Variants in FSTL4 observed in about 807,000 individuals in gnomAD.
The protein encoded by FSTL4 is follistatin like 4.
In FSTL4, 28 loss-of-function variants were observed where a neutral mutation model predicts 78.2. That is an observed-to-expected ratio of 0.36 (90% CI 0.27 to 0.49). The LOEUF (loss-of-function observed/expected upper bound fraction) is 0.49, where lower values mean the gene tolerates loss of function less well. Among genes scored for constraint, FSTL4 ranks in the 20% least tolerant of loss-of-function variants. FSTL4 has a pLI of 0.98. For synonymous variants in FSTL4, 422 were observed against 440.5 expected, an observed-to-expected ratio of 0.96 and a Z score of 0.53; for missense variants, 922 against 1,084.9, an observed-to-expected ratio of 0.85 and a Z score of 2.11.
chr5:133,294,496 G>A (rs1169263167), intron 6 of FSTL4, among the ~76,000 whole-genome samples: 1 of 152,184 alleles, frequency 6.6e-6, no homozygotes, highest in Non-Finnish European at 1.5e-5. Context: ...GTCACCTGCT[G>A]ACTCTGGGTT....
chr5:133,233,625 G>A (rs1415526519), intron 7 of FSTL4, 88 bp from the exon 8 acceptor site: 66 of 1,506,318 alleles, frequency 4.4e-5, no homozygotes, highest in Non-Finnish European at 5.8e-5. Context: ...CAGAAATCCT[G>A]CAGCTGGGAG....
intron 2 of FSTL4, among the ~76,000 whole-genome samples, chr5:133,600,112 A>G (rs1210937310): frequency 6.6e-6 from 1 of 152,206 alleles, no homozygotes; most frequent in East Asian, 1.9e-4. Context: ...AAAATGATAC[A>G]CATTCAGTAG....
At chr5:133,486,831 C>T (rs1285940195) in intron 3 of FSTL4, among the ~76,000 whole-genome samples, 1 of 152,220 alleles carries the variant, frequency 6.6e-6, no homozygotes. Flanking sequence ...CATATTGAAG[C>T]GCCACAAAAC....
chr5:133,649,238 T>G, the FSTL4 span, among the ~76,000 whole-genome samples: 1 of 152,216 alleles, frequency 6.6e-6, no homozygotes, highest in Non-Finnish European at 1.5e-5. Flanking sequence ...CATAGTCTGA[T>G]GTGCCACAAT....
intron 6 of FSTL4, among the ~76,000 whole-genome samples, chr5:133,269,791 A>G (rs922587826): frequency 6.6e-6 from 1 of 152,212 alleles, no homozygotes; most frequent in Admixed American, 6.5e-5. Flanking sequence ...CTCTCATCTT[A>G]CATGCTGACT....
chr5:133,210,463 C>T (rs924127846), intron 13 of FSTL4, among the ~76,000 whole-genome samples, 165 bp from the exon 14 acceptor site: 15 of 137,146 alleles, frequency 1.1e-4, no homozygotes, highest in African/African-American at 3.8e-4. Context: ...TCTTTTTTCT[C>T]AGAGGCATTA....
chr5:133,204,959 C>T (rs544182090), intron 14 of FSTL4, among the ~76,000 whole-genome samples: 1 of 152,230 alleles, frequency 6.6e-6, no homozygotes, highest in Admixed American at 6.5e-5. Context: ...AATCCTAGCC[C>T]ACAGTGATGA....
At chr5:133,504,119 G>A (rs921872243) in intron 3 of FSTL4, among the ~76,000 whole-genome samples, 2 of 152,016 alleles carry the variant, frequency 1.3e-5, no homozygotes, top group Admixed American at 6.6e-5. Flanking sequence ...CCTACCACAC[G>A]TGGGGATTAT....
At chr5:133,574,147 T>C (rs1760223282) in intron 2 of FSTL4, among the ~76,000 whole-genome samples, 1 of 152,242 alleles carries the variant, frequency 6.6e-6, no homozygotes, top group Admixed American at 6.5e-5. Context: ...GAATGACTTA[T>C]TGAGAATATA....
At chr5:133,669,569 G>A in the FSTL4 span, among the ~76,000 whole-genome samples, 2 of 152,224 alleles carry the variant, frequency 1.3e-5, no homozygotes, top group Non-Finnish European at 2.9e-5. Context: ...GCACCAGCCT[G>A]TGGTGTGGCT....
Position 133,440,180 on chromosome 5 carries a change from T to C in FSTL4, c.161-39194A>G, listed in dbSNP as rs1032530808. On this transcript the variant is annotated intron_variant, in intron 3 of 15. Transcript: ENST00000265342. The surrounding 1 kb of genome is among the most constrained non-coding windows in gnomAD (Gnocchi z 4.1). ...CTCTGGAACCCGGGGCTACACCCAT[T>C]CACTGAATAATTTCTGGGCGCTGTG... Among the ~76,000 whole-genome samples, 2 of 152,114 alleles carry C rather than the reference T, an allele frequency of 1.3e-5. No homozygotes were observed. Among genetic ancestry groups the C allele is most frequent in the African/African-American group, 4.8e-5 (2 of 41,418 alleles).
intron 3 of FSTL4, among the ~76,000 whole-genome samples, chr5:133,487,245 C>T (rs755435194): frequency 6.6e-6 from 1 of 152,228 alleles, no homozygotes; most frequent in Non-Finnish European, 1.5e-5. Context: ...CATCTCCCTG[C>T]ACTTGGCACG....
chr5:133,657,619 G>A, the FSTL4 span, among the ~76,000 whole-genome samples: 1 of 151,980 alleles, frequency 6.6e-6, no homozygotes, highest in Admixed American at 6.6e-5. Context: ...AATGTTACTA[G>A]ATATCTGGGT....
chr5:133,712,300 T>G, the FSTL4 span, among the ~76,000 whole-genome samples: 1 of 152,190 alleles, frequency 6.6e-6, no homozygotes, highest in Admixed American at 6.5e-5. Context: ...AGGACTGATA[T>G]GGCAATTGTG....
chr5:133,444,559 C>T (rs1757222860), intron 3 of FSTL4, among the ~76,000 whole-genome samples: 2 of 151,506 alleles, frequency 1.3e-5, no homozygotes, highest in Non-Finnish European at 2.9e-5. Flanking sequence ...CCAACGTGTG[C>T]CCCCAGTGCT....
intron 3 of FSTL4, among the ~76,000 whole-genome samples, chr5:133,442,875 G>A (rs766191956): frequency 7.9e-5 from 12 of 152,290 alleles, no homozygotes; most frequent in Non-Finnish European, 1.0e-4. Context: ...CATTTTCATC[G>A]TATCCAAGTA....
chr5:133,398,393 G>A (rs1438751457), intron 4 of FSTL4, among the ~76,000 whole-genome samples: 1 of 152,152 alleles, frequency 6.6e-6, no homozygotes, highest in Non-Finnish European at 1.5e-5. Context: ...GGACATTGCT[G>A]GGAGAGGCCC....
intron 1 of FSTL4, among the ~76,000 whole-genome samples, chr5:133,606,590 C>T (rs1760983963): frequency 6.6e-6 from 1 of 152,148 alleles, no homozygotes; most frequent in African/African-American, 2.4e-5. Flanking sequence ...AAAGACATTG[C>T]TTCTTATTCT....
At chr5:133,450,363 T>C (rs76026505) in intron 3 of FSTL4, among the ~76,000 whole-genome samples, 2,460 of 152,274 alleles carry the variant, frequency 0.016, 72 homozygotes, top group African/African-American at 0.056. Context: ...CCTCAGGAGC[T>C]GGGAGGCTCA....
Sources: allele counts gnomAD v4.1 joint callset (sites outside exome capture counted in the v4.1 genomes callset), GRCh38; gene constraint gnomAD v4.1.1; non-coding constraint Gnocchi (gnomAD v3.1); transcripts MANE v1.5; gene names NCBI Gene and HGNC (gene_info 2026-07-23, HGNC 2026-07-21).